Variants in HYAL1 observed in about 807,000 individuals in gnomAD.
HYAL1 encodes the protein hyaluronidase 1, also known as hyaluronidase-1.
A neutral mutation model predicts 28.8 loss-of-function variants in HYAL1; 21 were observed. The ratio of observed to expected loss-of-function variants is 0.73; its 90% confidence interval spans 0.52 to 1.05. The LOEUF (loss-of-function observed/expected upper bound fraction) is 1.05, where lower values mean the gene tolerates loss of function less well. Among genes scored for constraint, HYAL1 ranks in the 50% least tolerant of loss-of-function variants. The pLI is 0.00. For synonymous variants in HYAL1, 200 were observed against 230.1 expected, an observed-to-expected ratio of 0.87 and a Z score of 1.18; for missense variants, 491 against 579.2, an observed-to-expected ratio of 0.85 and a Z score of 1.56.
chr3:50,301,092 G>T lies in HYAL1; in HGVS notation c.901-15C>A. The T allele has an allele frequency of 6.4e-7, 1 of 1,567,528 alleles. No individual in the cohort carries two copies. The highest frequency in any genetic ancestry group is 8.8e-7 in the Non-Finnish European group (1 of 1,138,444). ...TCCAGCTCATCCTGGGAAGGAGACA[G>T]CACAGCTCTGTGGGGCCTCCTTCCC... is the stretch of plus-strand genomic sequence containing the variant. On this transcript the variant is annotated splice_polypyrimidine_tract_variant and intron_variant, in intron 2 of 3. Coordinates refer to ENST00000395144, the MANE Select transcript of HYAL1 (RefSeq NM_033159.4).
Position 50,302,022 on chromosome 3 carries a change from A to G in HYAL1, c.900+35T>C, listed in dbSNP as rs782701738. The G allele has an allele frequency of 4.4e-6, 7 of 1,608,058 alleles. No individual in the cohort carries two copies. In the Admixed American group the frequency reaches 5.0e-5, roughly 11 times the overall value. Reference sequence around the variant, plus strand: ...GGCTGGACCTAATATCTGACAAGGCAGGTTGACAAGGTGGGCAGGTTACAG... The same window carrying G: ...GGCTGGACCTAATATCTGACAAGGCGGGTTGACAAGGTGGGCAGGTTACAG... On this transcript the variant is annotated intron_variant, in intron 2 of 3. Coordinates refer to ENST00000395144, the MANE Select transcript of HYAL1 (RefSeq NM_033159.4). This position sits in a 1 kb window ranked among gnomAD's most constrained non-coding sequence, Gnocchi z 5.0.
chr3:50,302,285 G>T lies in HYAL1; in HGVS notation c.672C>A (p.Gly224=), dbSNP rs1553713135. The T allele has an allele frequency of 6.2e-7, 1 of 1,613,676 alleles. No homozygotes were observed. Among genetic ancestry groups the T allele is most frequent in the Non-Finnish European group, 8.5e-7 (1 of 1,180,034 alleles). Residue 224 remains glycine, a synonymous_variant, in exon 2 of 4, where the codon GGC becomes GGA. Coordinates refer to ENST00000395144, the MANE Select transcript of HYAL1 (RefSeq NM_033159.4). The surrounding 1 kb of genome is among the most constrained non-coding windows in gnomAD (Gnocchi z 5.0). The part of the protein sequence containing the change: ...SPNYTGQCPS[G]IRAQNDQLGW... Reference sequence around the variant, plus strand: ...CTAGCTGGTCATTTTGGGCACGGATGCCTGATGGGCACTGGCCGGTGTAGT... The same window carrying T: ...CTAGCTGGTCATTTTGGGCACGGATTCCTGATGGGCACTGGCCGGTGTAGT...
chr3:50,304,274 C>CAAAA (rs1156334129), upstream of HYAL1, among the ~76,000 whole-genome samples: 34 of 2,890 alleles, frequency 0.012, 6 homozygotes, highest in South Asian at 0.11. Context: ...GACTCCATCT[C>CAAAA]AAAAAAAAAA....
chr3:50,309,745 AG>A (rs1179378081), exon 2 of HYAL1: 1 of 150,998 alleles, frequency 6.6e-6, no homozygotes, highest in Non-Finnish European at 1.5e-5. Context: ...CCAACGCGGG[AG>A]GATCACCTGA....
chr3:50,308,640 G>T lies in HYAL1; in HGVS notation c.-191+1019C>A, dbSNP rs185711402. 5.5e-4 allele frequency among the ~76,000 whole-genome samples: 83 copies of T among 150,316 alleles called. 3 individuals carry two copies. The highest frequency in any genetic ancestry group is 2.0e-3 in the African/African-American group (81 of 40,026). On this transcript the variant is annotated intron_variant, in intron 2 of 5. Coordinates refer to the HYAL1 transcript ENST00000320295. The stretch of plus-strand genomic sequence containing the variant: ...TTTTTTGTATTTTTGGTAGAGACAG[G>T]GTTTCACCGTGGTCTCGATCTCCTG...
At position 50,302,715 on chromosome 3, in the gene HYAL1, G is replaced by A. The variant is rs1559820552; in HGVS notation, c.242C>T (p.Thr81Ile). The A allele has an allele frequency of 6.2e-7, 1 of 1,614,070 alleles. No homozygotes were observed. The highest frequency in any genetic ancestry group is 8.5e-7 in the Non-Finnish European group (1 of 1,180,040). Residue 81 changes from threonine (T) to isoleucine (I), a missense_variant, in exon 2 of 4, where the codon ACC (threonine) becomes ATC (isoleucine). Thr to Ile is a moderately conservative substitution (Grantham distance 89). Coordinates refer to ENST00000395144, the MANE Select transcript of HYAL1 (RefSeq NM_033159.4). This position sits in a 1 kb window ranked among gnomAD's most constrained non-coding sequence, Gnocchi z 5.0. ...MTIFYSSQLG[T>I]YPYYTPTGEP... Reference sequence around the variant, plus strand: ...CCCAGTGGGCGTGTAGTAGGGGTAGGTGCCCAGCTGGGAGCTATAGAAAAT... The same window carrying A: ...CCCAGTGGGCGTGTAGTAGGGGTAGATGCCCAGCTGGGAGCTATAGAAAAT...
intron 1 of HYAL1, among the ~76,000 whole-genome samples, chr3:50,312,077 C>G (rs1325986217): frequency 1.5e-5 from 2 of 133,628 alleles, no homozygotes; most frequent in Admixed American, 1.5e-4. Context: ...GGCTGACCCC[C>G]CCACCTCCCT....
Position 50,300,469 on chromosome 3 carries a change from C to CAA in HYAL1, c.*13_*14insTT. 1 of 1,613,930 alleles carries CAA rather than the reference C, an allele frequency of 6.2e-7. No homozygotes were observed. The highest frequency in any genetic ancestry group is 1.1e-5 in the South Asian group (1 of 91,072). On this transcript the variant is annotated 3_prime_UTR_variant, in exon 4 of 4. Coordinates refer to ENST00000395144, the MANE Select transcript of HYAL1 (RefSeq NM_033159.4). ...CATTAGGTTCTCAATATGTGCAACTCAGTGTGTGGCCAATCACCACATGCT... is the reference window on the plus strand; with the variant it reads ...CATTAGGTTCTCAATATGTGCAACTCAAAGTGTGTGGCCAATCACCACATGCT...
At chr3:50,310,154 A>G (rs587666158) in intron 1 of HYAL1, among the ~76,000 whole-genome samples, 3 of 151,282 alleles carry the variant, frequency 2.0e-5, no homozygotes, top group East Asian at 3.9e-4. Flanking sequence ...ATGATTTTCT[A>G]CAGTTTGGAA....
chr3:50,306,653 G>A (rs1559824137), upstream of HYAL1, among the ~76,000 whole-genome samples: 2 of 151,146 alleles, frequency 1.3e-5, no homozygotes, highest in Non-Finnish European at 1.5e-5. Context: ...TTGGGAGGCC[G>A]AGGTGGGCGG....
Position 50,302,909 on chromosome 3 carries a change from G to A in HYAL1, c.48C>T (p.Leu16=), listed in dbSNP as rs377440947. 74 of 1,603,388 alleles carry A rather than the reference G, an allele frequency of 4.6e-5. No individual in the cohort carries two copies. Among genetic ancestry groups the A allele is most frequent in the Middle Eastern group, 1.7e-4 (1 of 6,030 alleles). The change falls in exon 2 of 4, where the codon CTC becomes CTT. Residue 16 remains leucine (L), a synonymous_variant. Transcript: ENST00000395144. The surrounding 1 kb of genome is among the most constrained non-coding windows in gnomAD (Gnocchi z 5.0). Reference sequence around the variant, plus strand: ...GGCCCCTAAAGCCTTGGGCCATATCGAGTAAGGTCAGGAAGAGGGCGCAGA... The same window carrying A: ...GGCCCCTAAAGCCTTGGGCCATATCAAGTAAGGTCAGGAAGAGGGCGCAGA... ...LPICALFLTL[L]DMAQGFRGPL...
chr3:50,307,678 C>T (rs71615488), upstream of HYAL1, among the ~76,000 whole-genome samples: 2 of 51,654 alleles, frequency 3.9e-5, no homozygotes, highest in Non-Finnish European at 6.3e-5. Flanking sequence ...AAGACTCCAT[C>T]TGAAAAAAAA....
At chr3:50,303,016 A>G in intron 1 of HYAL1, 36 bp from the exon 2 acceptor site, 2 of 1,477,274 alleles carry the variant, frequency 1.4e-6, no homozygotes, top group East Asian at 4.6e-5. Flanking sequence ...ACAGGTTGCA[A>G]AGTCTCCGAT....
upstream of HYAL1, among the ~76,000 whole-genome samples, chr3:50,304,288 AAAAAAAAAATATATATATATATATATAT>A (rs1286725359): frequency 7.8e-4 from 48 of 61,714 alleles, 2 homozygotes; most frequent in Admixed American, 8.3e-3. Flanking sequence ...AAAAAAAAAA[AAAAAAAAAATATATATATATATATATAT>A]ATATATATAT....
chr3:50,302,119 T>A lies in HYAL1; in HGVS notation c.838A>T (p.Asn280Tyr). The A allele has an allele frequency of 6.2e-7, 1 of 1,614,046 alleles. No homozygotes were observed. The highest frequency in any genetic ancestry group is 8.5e-7 in the Non-Finnish European group (1 of 1,180,008). ...TGGACATAGGGCAGCACCGGCAGAT[T>A]GGGGTCACCAGCAGCCACAGCCACA... ...FRVAVAAGDPNLPVLPYVQIF... is the reference protein window; with the variant it reads ...FRVAVAAGDPYLPVLPYVQIF... Residue 280 changes from asparagine to tyrosine, a missense_variant, in exon 2 of 4, where the codon AAT becomes TAT. Transcript: ENST00000395144. This position sits in a 1 kb window ranked among gnomAD's most constrained non-coding sequence, Gnocchi z 5.0.
upstream of HYAL1, among the ~76,000 whole-genome samples, chr3:50,305,534 C>T (rs191538053): frequency 1.1e-3 from 166 of 148,658 alleles, 1 homozygote; most frequent in South Asian, 2.1e-4. Context: ...TGAGCCACCG[C>T]GCCTGGCCTA....
upstream of HYAL1, among the ~76,000 whole-genome samples, chr3:50,304,299 AT>A (rs60610887): frequency 9.0e-3 from 250 of 27,754 alleles, 1 homozygote; most frequent in Non-Finnish European, 0.011. Context: ...AAAAAAAAAT[AT>A]ATATATATAT....
upstream of HYAL1, among the ~76,000 whole-genome samples, chr3:50,304,299 ATATATATATAT>A (rs1702290715): frequency 1.4e-3 from 39 of 27,822 alleles, 1 homozygote; most frequent in East Asian, 3.9e-3. Flanking sequence ...AAAAAAAAAT[ATATATATATAT>A]ATATATATAT....
intron 1 of HYAL1, among the ~76,000 whole-genome samples, chr3:50,310,259 CTG>C (rs1553714561): frequency 1.4e-5 from 2 of 145,476 alleles, no homozygotes; most frequent in Admixed American, 1.4e-4. Flanking sequence ...GAAAACTAAG[CTG>C]TGTGTTTTTT....
Sources: allele counts gnomAD v4.1 joint callset (sites outside exome capture counted in the v4.1 genomes callset), GRCh38; gene constraint gnomAD v4.1.1; non-coding constraint Gnocchi (gnomAD v3.1); transcripts MANE v1.5; gene names NCBI Gene and HGNC (gene_info 2026-07-23, HGNC 2026-07-21).